The following LYN variants were observed in gnomAD, a reference collection of about 807,000 sequenced individuals.
The protein encoded by LYN is tyrosine-protein kinase Lyn.
A neutral mutation model predicts 65.0 loss-of-function variants in LYN; 12 were observed. The observed-to-expected ratio is 0.18, with a 90% CI of 0.12 to 0.30. LYN has a LOEUF of 0.30. LYN is among the 10% of genes least tolerant of loss of function. The pLI is 1.00. For missense variants in LYN, 380 were observed against 623.2 expected (o/e 0.61, Z 4.16); for synonymous variants, 222 against 221.2 (o/e 1.00, Z -0.03).
Position 56,002,604 on chromosome 8 carries a change from A to AAAATTAAATTAAATTAAATT in LYN, c.1336+3084_1336+3103dup, listed in dbSNP as rs56143558. Among the ~76,000 whole-genome samples, 373 of 145,164 alleles carry AAAATTAAATTAAATTAAATT rather than the reference A, an allele frequency of 2.6e-3. 2 individuals carry two copies. The highest frequency in any genetic ancestry group is 9.7e-3 in the African/African-American group (363 of 37,328). On this transcript the variant is annotated intron_variant, in intron 12 of 12. Coordinates refer to ENST00000519728, the MANE Select transcript of LYN (RefSeq NM_002350.4). Reference sequence around the variant, plus strand: ...GCGACAGGAAGGAGACTCCATCTCAAAAATTAAATTAAATTAAATTAAATT... The same window carrying AAAATTAAATTAAATTAAATT: ...GCGACAGGAAGGAGACTCCATCTCAAAAATTAAATTAAATTAAATTAAATTAAATTAAATTAAATTAAATT...
At chr8:56,002,650 A>AAATTT (rs1315734196) in intron 12 of LYN, among the ~76,000 whole-genome samples, 2 of 151,674 alleles carry the variant, frequency 1.3e-5, no homozygotes, top group African/African-American at 4.8e-5. Flanking sequence ...AAATTAAATT[A>AAATTT]AAAAATAAAA....
At chr8:55,897,888 G>C (rs570299896) in intron 1 of LYN, among the ~76,000 whole-genome samples, 1 of 152,214 alleles carries the variant, frequency 6.6e-6, no homozygotes, top group African/African-American at 2.4e-5. Flanking sequence ...ACTCCAGCCT[G>C]CGTGACAGTG....
chr8:55,957,812 T>C (rs557526206), intron 8 of LYN, among the ~76,000 whole-genome samples: 1 of 152,142 alleles, frequency 6.6e-6, no homozygotes, highest in East Asian at 1.9e-4. Flanking sequence ...TTGAGCATGG[T>C]GGTGTTGCAC....
chr8:55,886,686 T>C (rs1022293989), intron 1 of LYN, among the ~76,000 whole-genome samples: 3 of 152,212 alleles, frequency 2.0e-5, no homozygotes, highest in Non-Finnish European at 4.4e-5. Flanking sequence ...TGCAGGGGAA[T>C]GTGGCCTGGA....
At chr8:55,974,190 C>T (rs888254610) in intron 10 of LYN, among the ~76,000 whole-genome samples, 5 of 152,174 alleles carry the variant, frequency 3.3e-5, no homozygotes, top group Non-Finnish European at 1.5e-5. Context: ...ATAACTGATT[C>T]TTTCCTCTGC....
Position 55,973,875 on chromosome 8 carries a change from G to A in LYN, c.1050+4082G>A, listed in dbSNP as rs560384856. Among the ~76,000 whole-genome samples the A allele has an allele frequency of 8.7e-4, 133 of 152,330 alleles. 2 individuals carry two copies. Among genetic ancestry groups the A allele is most frequent in the East Asian group, 1.2e-3 (6 of 5,180 alleles). Reference sequence around the variant, plus strand: ...ACGGGAGGATTGCTTGAGGCCAGAAGTTCAGGACCAGCCTGGACAATGTGG... The same window carrying A: ...ACGGGAGGATTGCTTGAGGCCAGAAATTCAGGACCAGCCTGGACAATGTGG... On this transcript the variant is annotated intron_variant, in intron 10 of 12. Coordinates refer to ENST00000519728, the MANE Select transcript of LYN (RefSeq NM_002350.4).
At chr8:55,939,789 G>A (rs1806551296) in intron 1 of LYN, among the ~76,000 whole-genome samples, 1 of 152,220 alleles carries the variant, frequency 6.6e-6, no homozygotes, top group South Asian at 2.1e-4. Context: ...CGGGGCGTGG[G>A]AGGGATGAGA....
intron 10 of LYN, among the ~76,000 whole-genome samples, chr8:55,983,895 A>G (rs950481675): frequency 6.6e-6 from 1 of 152,196 alleles, no homozygotes; most frequent in Non-Finnish European, 1.5e-5. Flanking sequence ...GCTTAAAACA[A>G]TAGAAATGTA....
chr8:55,973,233 A>G (rs574554720), intron 10 of LYN, among the ~76,000 whole-genome samples: 62 of 152,228 alleles, frequency 4.1e-4, no homozygotes, highest in Middle Eastern at 3.4e-3. Context: ...ACAGCCTCAC[A>G]GTTCATGTGA....
Position 55,952,054 on chromosome 8 carries a change from C to A in LYN, c.576C>A (p.Gly192=). ...AAATTAGAAGTCTGGATAATGGGGG[C>A]TATTACATCTCTCCACGAATCACTT... ...HYKIRSLDNG[G]YYISPRITFP... is the part of the protein sequence containing the mutation. The change falls in exon 7 of 13, where the codon GGC becomes GGA. Residue 192 remains glycine (G), a synonymous_variant. Coordinates refer to ENST00000519728, the MANE Select transcript of LYN (RefSeq NM_002350.4). The A allele has an allele frequency of 6.2e-7, 1 of 1,610,376 alleles. No homozygotes were observed. Among genetic ancestry groups the A allele is most frequent in the Non-Finnish European group, 8.5e-7 (1 of 1,178,812 alleles).
Position 55,969,813 on chromosome 8 carries a change from C to T in LYN, c.1050+20C>T. 2 of 1,610,278 alleles carry T rather than the reference C, an allele frequency of 1.2e-6. No homozygotes were observed. The highest frequency in any genetic ancestry group is 1.3e-5 in the African/African-American group (1 of 74,982). On this transcript the variant is annotated intron_variant, in intron 10 of 12. Transcript: ENST00000519728. ...GCTCAGGTAACATATTCAAAAAGCC[C>T]CGTGTGCACGTGCATTTGCAAAGAC...
At chr8:55,910,058 A>G (rs1174328034) in intron 1 of LYN, among the ~76,000 whole-genome samples, 1 of 150,522 alleles carries the variant, frequency 6.6e-6, no homozygotes, top group Admixed American at 6.6e-5. Context: ...CCTCTGTCGA[A>G]GGCATAGTTT....
At chr8:55,909,072 T>G in intron 1 of LYN, among the ~76,000 whole-genome samples, 1 of 144,558 alleles carries the variant, frequency 6.9e-6, no homozygotes, top group African/African-American at 2.6e-5. Context: ...TCTTTACTTT[T>G]ATTTCTTCAT....
chr8:55,896,286 AGAAAAAGAAACAACAACATCAAAC>A (rs1474343356), intron 1 of LYN, among the ~76,000 whole-genome samples: 1 of 152,170 alleles, frequency 6.6e-6, no homozygotes, highest in African/African-American at 2.4e-5. Context: ...AAAAAAGAAA[AGAAAAAGAAACAACAACATCAAAC>A]AAAGAAACAA....
At position 55,951,184 on chromosome 8, in the gene LYN, A is replaced by G. The variant is rs577961911; in HGVS notation, c.487+400A>G. 3.7e-4 allele frequency among the ~76,000 whole-genome samples: 57 copies of G among 152,170 alleles called. No individual in the cohort carries two copies. In the East Asian group the frequency reaches 9.8e-3, roughly 26 times the overall value. ...CCTGAACCCAGGGAAGGGAGGCTGC[A>G]GTGAGCCGTGATCACGCCACTGCAC... On this transcript the variant is annotated intron_variant, in intron 6 of 12. Coordinates refer to ENST00000519728, the MANE Select transcript of LYN (RefSeq NM_002350.4).
At chr8:55,892,785 G>A (rs1178341585) in intron 1 of LYN, among the ~76,000 whole-genome samples, 1 of 152,168 alleles carries the variant, frequency 6.6e-6, no homozygotes, top group African/African-American at 2.4e-5. Flanking sequence ...CAATGCAGGA[G>A]TGTGTGTGTA....
intron 12 of LYN, among the ~76,000 whole-genome samples, chr8:56,006,300 A>G (rs187506328): frequency 2.0e-5 from 3 of 152,280 alleles, no homozygotes; most frequent in African/African-American, 4.8e-5. Context: ...TCACAAGCAA[A>G]GCTCAGAAAA....
chr8:55,887,535 A>G (rs1336576958), intron 1 of LYN, among the ~76,000 whole-genome samples: 1 of 140,300 alleles, frequency 7.1e-6, no homozygotes, highest in Non-Finnish European at 1.5e-5. Context: ...AAATATATAC[A>G]TAAATCCCAT....
chr8:55,952,063 C>A lies in LYN; in HGVS notation c.585C>A (p.Ile195=). Residue 195 remains isoleucine (I), a synonymous_variant, in exon 7 of 13, where the codon ATC becomes ATA. Transcript: ENST00000519728. The part of the protein sequence containing the change: ...IRSLDNGGYY[I]SPRITFPCIS... ...GTCTGGATAATGGGGGCTATTACAT[C>A]TCTCCACGAATCACTTTTCCCTGTA... The A allele has an allele frequency of 6.2e-7, 1 of 1,608,834 alleles. No individual in the cohort carries two copies. The highest frequency in any genetic ancestry group is 1.7e-4 in the Middle Eastern group (1 of 6,056).
Sources: gnomAD v4.1 joint callset for allele counts (sites outside exome capture counted in the v4.1 genomes callset) on GRCh38, gnomAD v4.1.1 for gene constraint, MANE v1.5 for transcripts, NCBI Gene and HGNC (gene_info 2026-07-23, HGNC 2026-07-21) for gene names.